Variants in MAGI3 observed in about 807,000 individuals in gnomAD.
MAGI3 encodes the protein membrane-associated guanylate kinase, WW and PDZ domain-containing protein 3.
MAGI3 carries 43 observed loss-of-function variants against 121.8 expected under a neutral mutation model. The ratio of observed to expected loss-of-function variants is 0.35; its 90% CI spans 0.28 to 0.46. The LOEUF (loss-of-function observed/expected upper bound fraction) is 0.46. Ranked by LOEUF, MAGI3 falls within the 20% of genes least tolerant of loss-of-function variation. MAGI3 has a pLI of 1.00. For missense variants in MAGI3, 1,547 were observed against 1,797.3 expected, an observed-to-expected ratio of 0.86 and a Z score of 2.52; for synonymous variants, 553 against 639.3, an observed-to-expected ratio of 0.86 and a Z score of 2.04.
chr1:113,463,668 T>C (rs1422647140), intron 1 of MAGI3, among the ~76,000 whole-genome samples: 2 of 152,082 alleles, frequency 1.3e-5, no homozygotes, highest in Non-Finnish European at 1.5e-5. Context: ...AATTTTGCTG[T>C]GAAGGCGGGG....
At chr1:113,398,073 T>C (rs1651212933) in intron 1 of MAGI3, among the ~76,000 whole-genome samples, 1 of 152,198 alleles carries the variant, frequency 6.6e-6, no homozygotes, top group Non-Finnish European at 1.5e-5. Context: ...CTCAGCTGCA[T>C]TGCAGTGGTT....
At chr1:113,465,121 T>C (rs1001171833) in intron 1 of MAGI3, among the ~76,000 whole-genome samples, 1 of 152,108 alleles carries the variant, frequency 6.6e-6, no homozygotes, top group African/African-American at 2.4e-5. Context: ...GTAGTTTTTC[T>C]TCAGTTGTTC....
At chr1:113,638,352 T>C (rs570815963) in intron 9 of MAGI3, among the ~76,000 whole-genome samples, 1 of 152,346 alleles carries the variant, frequency 6.6e-6, no homozygotes, top group South Asian at 2.1e-4. Context: ...TTTCCCCCTC[T>C]TTGTGGTTTT....
intron 1 of MAGI3, among the ~76,000 whole-genome samples, chr1:113,469,442 A>G (rs1186590560): frequency 6.6e-6 from 1 of 152,134 alleles, no homozygotes; most frequent in Admixed American, 6.5e-5. Context: ...CCTGGAATGA[A>G]GAAAGTTTAC....
At chr1:113,524,982 T>A (rs1490586683) in intron 1 of MAGI3, among the ~76,000 whole-genome samples, 1 of 152,114 alleles carries the variant, frequency 6.6e-6, no homozygotes, top group African/African-American at 2.4e-5. Flanking sequence ...AGTGAGTAAG[T>A]CTTATGAGAT....
chr1:113,628,624 C>T (rs1570962685), intron 9 of MAGI3, among the ~76,000 whole-genome samples: 1 of 152,134 alleles, frequency 6.6e-6, no homozygotes, highest in African/African-American at 2.4e-5. Flanking sequence ...AATCCCTTAG[C>T]TTTTGTTGTC....
chr1:113,393,994 C>T (rs576462865), intron 1 of MAGI3, among the ~76,000 whole-genome samples: 17 of 152,074 alleles, frequency 1.1e-4, no homozygotes, highest in Non-Finnish European at 1.9e-4. Context: ...CGGAAATGTT[C>T]TCATATTGTC....
chr1:113,516,386 C>A (rs2101620191), intron 1 of MAGI3, among the ~76,000 whole-genome samples: 2 of 67,366 alleles, frequency 3.0e-5, no homozygotes, highest in South Asian at 6.3e-4. Flanking sequence ...TAAGGAAGTT[C>A]TCACAAAAAA....
intron 1 of MAGI3, among the ~76,000 whole-genome samples, chr1:113,543,313 T>A (rs929960532): frequency 6.6e-6 from 1 of 152,208 alleles, no homozygotes; most frequent in African/African-American, 2.4e-5. Context: ...TTTGATGAAT[T>A]GACATATAAA....
At chr1:113,427,749 T>C (rs994407035) in intron 1 of MAGI3, among the ~76,000 whole-genome samples, 3 of 152,214 alleles carry the variant, frequency 2.0e-5, no homozygotes, top group Non-Finnish European at 2.9e-5. Flanking sequence ...GGACTGAAAG[T>C]CTCAATCATG....
chr1:113,610,597 A>C (rs925131699), intron 6 of MAGI3, among the ~76,000 whole-genome samples: 2 of 152,044 alleles, frequency 1.3e-5, no homozygotes, highest in African/African-American at 4.8e-5. Context: ...ACATCCCCCC[A>C]GCTGCTTGAG....
chr1:113,439,515 C>T (rs993333202), intron 1 of MAGI3, among the ~76,000 whole-genome samples: 2 of 152,178 alleles, frequency 1.3e-5, no homozygotes, highest in Non-Finnish European at 2.9e-5. Flanking sequence ...TTTCTGTATT[C>T]CTCCTATAGC....
chr1:113,482,813 T>C (rs569959172), intron 1 of MAGI3, among the ~76,000 whole-genome samples: 4 of 144,906 alleles, frequency 2.8e-5, no homozygotes, highest in African/African-American at 7.6e-5. Context: ...AAGATCCCCC[T>C]TTTTTTTTTT....
intron 1 of MAGI3, among the ~76,000 whole-genome samples, chr1:113,435,778 A>G (rs1320608468): frequency 6.6e-6 from 1 of 152,148 alleles, no homozygotes; most frequent in South Asian, 2.1e-4. Context: ...TCAGGTGGAA[A>G]AAGGGACAGC....
chr1:113,473,023 T>C (rs1655618298), intron 1 of MAGI3, among the ~76,000 whole-genome samples: 2 of 152,216 alleles, frequency 1.3e-5, no homozygotes, highest in African/African-American at 4.8e-5. Context: ...ATATTCTGAA[T>C]TTGAATTTAT....
At chr1:113,592,913 G>A (rs1648774325) in intron 5 of MAGI3, among the ~76,000 whole-genome samples, 1 of 152,156 alleles carries the variant, frequency 6.6e-6, no homozygotes, top group Non-Finnish European at 1.5e-5. Flanking sequence ...TCGGGAGGCT[G>A]AGGCAGGAAA....
chr1:113,565,049 C>T (rs1660386734), intron 2 of MAGI3, among the ~76,000 whole-genome samples: 1 of 151,718 alleles, frequency 6.6e-6, no homozygotes, highest in Admixed American at 6.6e-5. Flanking sequence ...GGGGTTTCAC[C>T]ATGTTGGCCA....
intron 1 of MAGI3, among the ~76,000 whole-genome samples, chr1:113,539,528 AT>A (rs1024651237): frequency 1.1e-4 from 17 of 151,546 alleles, no homozygotes; most frequent in South Asian, 2.1e-4. Context: ...TGTCGCTTAC[AT>A]TTTTTTTAAT....
At chr1:113,416,955 T>A (rs1652482812) in intron 1 of MAGI3, among the ~76,000 whole-genome samples, 1 of 152,090 alleles carries the variant, frequency 6.6e-6, no homozygotes, top group South Asian at 2.1e-4. Context: ...TTGTTTCTAA[T>A]ATAATATTAA....
Sources: allele counts gnomAD v4.1 joint callset (sites outside exome capture counted in the v4.1 genomes callset), GRCh38; gene constraint gnomAD v4.1.1; transcripts MANE v1.5; gene names NCBI Gene and HGNC (gene_info 2026-07-23, HGNC 2026-07-21).